Variants in MDGA2 observed in about 807,000 individuals in gnomAD.
MDGA2 encodes the protein MAM domain-containing glycosylphosphatidylinositol anchor protein 2.
Under a neutral mutation model 117.8 loss-of-function variants are expected in MDGA2, and 40 were observed. The ratio of observed to expected loss-of-function variants is 0.34; its 90% CI spans 0.26 to 0.44. The LOEUF is 0.44. MDGA2 is among the 20% of genes least tolerant of loss of function. MDGA2 has a pLI of 1.00. For missense variants in MDGA2, 1,123 were observed against 1,250.6 expected, an observed-to-expected ratio of 0.90 and a Z score of 1.54; for synonymous variants, 452 against 439.0, an observed-to-expected ratio of 1.03 and a Z score of -0.37.
intron 1 of MDGA2, among the ~76,000 whole-genome samples, chr14:47,545,782 G>A (rs1311610222): frequency 6.6e-6 from 1 of 152,044 alleles, no homozygotes; most frequent in African/African-American, 2.4e-5. Flanking sequence ...GTACAGTGGT[G>A]GGCTACAAAA....
intron 1 of MDGA2, among the ~76,000 whole-genome samples, chr14:47,312,898 C>A (rs989752819): frequency 7.0e-6 from 1 of 141,968 alleles, no homozygotes; most frequent in Admixed American, 7.1e-5. Context: ...CTTAAATATA[C>A]AAGATTTTTA....
At position 47,424,013 on chromosome 14, in the gene MDGA2, ATGTT is replaced by A. The variant is rs370753813; in HGVS notation, c.281-122467_281-122464del. ...TTTTTAGTGGAAACAGGGTTTCACC[ATGTT>A]GGCCAGGCTGGTCTCGAACTTCTGA... On this transcript the variant is annotated intron_variant, in intron 1 of 16. Transcript: ENST00000399232. Among the ~76,000 whole-genome samples, 7 of 152,074 alleles carry A rather than the reference ATGTT, an allele frequency of 4.6e-5. No individual in the cohort carries two copies. The South Asian group carries it at 1.5e-3, about 32-fold the overall frequency.
chr14:47,194,408 G>A (rs61995383), intron 3 of MDGA2, among the ~76,000 whole-genome samples: 17,407 of 152,086 alleles, frequency 0.11, 1,094 homozygotes, highest in Middle Eastern at 0.14. Flanking sequence ...GTGAAGAATT[G>A]TAGTAAATTC....
intron 6 of MDGA2, among the ~76,000 whole-genome samples, chr14:47,093,744 A>G (rs542741752): frequency 6.6e-6 from 1 of 152,250 alleles, no homozygotes; most frequent in East Asian, 1.9e-4. Context: ...TCTATTTTTA[A>G]AAAAGTAGAA....
chr14:47,606,794 T>C (rs1896751543), intron 1 of MDGA2, among the ~76,000 whole-genome samples: 1 of 152,192 alleles, frequency 6.6e-6, no homozygotes, highest in Non-Finnish European at 1.5e-5. Context: ...TCTGTAAAAC[T>C]GAAATGCCTC....
chr14:47,501,939 A>C (rs1469268009), intron 1 of MDGA2, among the ~76,000 whole-genome samples: 1 of 152,232 alleles, frequency 6.6e-6, no homozygotes, highest in Non-Finnish European at 1.5e-5. Context: ...AGTTGGAAAT[A>C]CATTATATAA....
At chr14:47,571,882 C>T (rs1221831543) in intron 1 of MDGA2, among the ~76,000 whole-genome samples, 11 of 152,184 alleles carry the variant, frequency 7.2e-5, no homozygotes, top group South Asian at 2.1e-4. Flanking sequence ...GTTCCACACA[C>T]GTATCCCAGA....
intron 1 of MDGA2, among the ~76,000 whole-genome samples, chr14:47,372,226 G>A (rs12100744): frequency 0.35 from 52,606 of 151,068 alleles, 9,586 homozygotes; most frequent in East Asian, 0.56. Flanking sequence ...ACAATGACTG[G>A]GGGAAAAAAG....
rs1278808278 is a variant in MDGA2 at position 46,840,492 on chromosome 14, A to C, written c.*1439T>G. ...GATATGATTTGTCGTCAGGTAGCTC[A>C]AAATTATTTTTACAGGTTTTTGTTT... On this transcript the variant is annotated 3_prime_UTR_variant, in exon 17 of 17. Transcript: ENST00000399232. 6.6e-6 allele frequency: 1 copy of C among 152,572 alleles called. No homozygotes were observed. Among genetic ancestry groups the C allele is most frequent in the Non-Finnish European group, 1.5e-5 (1 of 68,014 alleles). The allele number at this position is 152,572 out of a possible 1,614,324, so 9.5% of individuals were successfully genotyped here.
intron 1 of MDGA2, among the ~76,000 whole-genome samples, chr14:47,532,828 C>A (rs966038680): frequency 2.6e-5 from 4 of 152,184 alleles, no homozygotes; most frequent in Non-Finnish European, 5.9e-5. Flanking sequence ...AGGTTCAATT[C>A]TAGGTTTTAT....
chr14:47,324,720 T>G (rs946786146), intron 1 of MDGA2, among the ~76,000 whole-genome samples: 5 of 152,212 alleles, frequency 3.3e-5, no homozygotes, highest in Non-Finnish European at 7.3e-5. Context: ...TTATCTTTTA[T>G]AAATGGTTTT....
intron 3 of MDGA2, among the ~76,000 whole-genome samples, chr14:47,213,897 G>A (rs1172494480): frequency 6.6e-6 from 1 of 152,116 alleles, no homozygotes; most frequent in Non-Finnish European, 1.5e-5. Context: ...ACAGCGGAAG[G>A]CAAAGAGAAA....
intron 12 of MDGA2, among the ~76,000 whole-genome samples, chr14:46,876,603 A>C (rs894058839): frequency 6.6e-6 from 1 of 151,560 alleles, no homozygotes; most frequent in Non-Finnish European, 1.5e-5. Flanking sequence ...GAAATAATTA[A>C]ACATATCTTA....
Position 47,144,225 on chromosome 14 carries a change from T to C in MDGA2, c.645A>G (p.Lys215=). The C allele has an allele frequency of 6.4e-7, 1 of 1,551,276 alleles. No individual in the cohort carries two copies. The highest frequency in any genetic ancestry group is 8.7e-7 in the Non-Finnish European group (1 of 1,146,718). The stretch of plus-strand genomic sequence containing the variant: ...CTGTTCTCTCATAGTAAAATTGTTC[T>C]TTAGCTTCACCTATACTTTGATGAA... ...VTVHQSIGEA[K]EQFYYERTVF... The change falls in exon 4 of 17, where the codon AAA becomes AAG. Residue 215 remains lysine (K), a synonymous_variant. Transcript: ENST00000399232.
At chr14:47,071,767 A>T (rs1890290268) in intron 6 of MDGA2, among the ~76,000 whole-genome samples, 1 of 152,172 alleles carries the variant, frequency 6.6e-6, no homozygotes, top group Admixed American at 6.5e-5. Flanking sequence ...AATAAACAAC[A>T]AACAAAAATT....
At chr14:47,087,801 CAAAA>C (rs11418956) in intron 6 of MDGA2, among the ~76,000 whole-genome samples, 8 of 139,308 alleles carry the variant, frequency 5.7e-5, no homozygotes, top group Non-Finnish European at 7.7e-5. Flanking sequence ...TGTAGGGTAT[CAAAA>C]AAAAAAAAAA....
At chr14:46,980,261 G>A (rs567759109) in intron 8 of MDGA2, among the ~76,000 whole-genome samples, 1 of 152,272 alleles carries the variant, frequency 6.6e-6, no homozygotes, top group South Asian at 2.1e-4. Context: ...CTTCAGTTGA[G>A]GAAATCACTG....
At position 46,874,032 on chromosome 14, in the gene MDGA2, C is replaced by A; in HGVS notation, c.2593+13G>T. On this transcript the variant is annotated intron_variant, in intron 13 of 16. Transcript: ENST00000399232. ...TCTGATTGCTATGAACACAAAAGGT[C>A]ATACCCCCATACCTTCTTTGGAGCC... 6.5e-7 allele frequency: 1 copy of A among 1,528,358 alleles called. No individual in the cohort carries two copies. The highest frequency in any genetic ancestry group is 2.4e-5 in the Admixed American group (1 of 42,466). The allele number at this position is 1,528,358 out of a possible 1,614,324, so 94.7% of individuals were successfully genotyped here.
At chr14:47,328,018 A>T (rs1890191954) in intron 1 of MDGA2, among the ~76,000 whole-genome samples, 1 of 152,176 alleles carries the variant, frequency 6.6e-6, no homozygotes, top group Non-Finnish European at 1.5e-5. Context: ...TTCTTTGTGT[A>T]ATGTCGAGTA....
Sources: gnomAD v4.1 joint callset for allele counts (sites outside exome capture counted in the v4.1 genomes callset) on GRCh38, gnomAD v4.1.1 for gene constraint, MANE v1.5 for transcripts, NCBI Gene and HGNC (gene_info 2026-07-23, HGNC 2026-07-21) for gene names.